CARF: variants seen among roughly 807,000 people sequenced by gnomAD.
CARF encodes calcium-responsive transcription factor.
In CARF, 57 loss-of-function variants were observed where a neutral mutation model predicts 82.0. The ratio of observed to expected loss-of-function variants is 0.70; its 90% CI spans 0.56 to 0.87. The LOEUF (loss-of-function observed/expected upper bound fraction) is 0.87, where lower values mean the gene tolerates loss of function less well. CARF is among the 40% of genes least tolerant of loss of function. The pLI is 0.00. For missense variants in CARF, 771 were observed against 855.8 expected (o/e 0.90, Z 1.24); for synonymous variants, 268 against 290.1 (o/e 0.92, Z 0.77).
intron 8 of CARF, among the ~76,000 whole-genome samples, chr2:202,960,696 G>GCCTTCCCA (rs1162150086): frequency 1.4e-3 from 214 of 150,362 alleles, no homozygotes; most frequent in African/African-American, 4.9e-3. Flanking sequence ...CTGCCTTCCT[G>GCCTTCCCA]CCTTCCCACC....
chr2:202,969,355 C>T (rs889020385), intron 10 of CARF, among the ~76,000 whole-genome samples: 9 of 152,074 alleles, frequency 5.9e-5, no homozygotes, highest in African/African-American at 2.2e-4. Context: ...GTGGGTGGAT[C>T]ACCTGAGGTT....
At position 202,984,908 on chromosome 2, in the gene CARF, T is replaced by C. The variant is rs2060383721; in HGVS notation, c.*1284T>C. ...CTGTTTCTACTAAAAATACAAAAAT[T>C]AGCTGGGTGTGGTGGTGGGCACCTG... On this transcript the variant is annotated 3_prime_UTR_variant, in exon 17 of 17. Coordinates refer to ENST00000438828, the MANE Select transcript of CARF (RefSeq NM_024744.17). The C allele has an allele frequency of 6.6e-6, 1 of 152,026 alleles. No individual in the cohort carries two copies. Among genetic ancestry groups the C allele is most frequent in the Non-Finnish European group, 1.5e-5 (1 of 68,086 alleles). The allele number at this position is 152,026 out of a possible 1,614,324, so 9.4% of individuals were successfully genotyped here.
intron 11 of CARF, among the ~76,000 whole-genome samples, chr2:202,970,469 A>G (rs1398884256): frequency 6.6e-6 from 1 of 152,214 alleles, no homozygotes; most frequent in Non-Finnish European, 1.5e-5. Context: ...CGGCAGCCAG[A>G]AATGAATTCC....
intron 5 of CARF, among the ~76,000 whole-genome samples, chr2:202,944,578 C>G (rs1353482444): frequency 2.0e-5 from 3 of 152,164 alleles, no homozygotes; most frequent in African/African-American, 7.2e-5. Flanking sequence ...TGAGAGGTGA[C>G]TGTGTGCAGG....
chr2:202,970,606 T>A (rs2059749485), intron 11 of CARF, among the ~76,000 whole-genome samples: 1 of 152,166 alleles, frequency 6.6e-6, no homozygotes, highest in East Asian at 1.9e-4. Flanking sequence ...TATAATGGAT[T>A]TAAGTGTATG....
chr2:202,917,465 A>C (rs1574452278), intron 1 of CARF, among the ~76,000 whole-genome samples: 1 of 152,108 alleles, frequency 6.6e-6, no homozygotes, highest in East Asian at 1.9e-4. Flanking sequence ...TTAAGAAATA[A>C]GCCTGTCAAT....
intron 3 of CARF, among the ~76,000 whole-genome samples, chr2:202,934,307 G>A (rs560500549): frequency 1.1e-4 from 17 of 152,134 alleles, no homozygotes; most frequent in African/African-American, 3.9e-4. Flanking sequence ...TAATTGTTTG[G>A]AATGAATTTT....
intron 14 of CARF, among the ~76,000 whole-genome samples, chr2:202,977,688 C>T (rs1171430887): frequency 6.6e-6 from 1 of 152,058 alleles, no homozygotes; most frequent in Non-Finnish European, 1.5e-5. Context: ...TACTGCTGGG[C>T]CCTTTCAATA....
At chr2:202,916,699 A>G (rs75038063) in intron 1 of CARF, among the ~76,000 whole-genome samples, 7 of 152,314 alleles carry the variant, frequency 4.6e-5, no homozygotes, top group South Asian at 2.1e-4. Flanking sequence ...GATACTCAAC[A>G]ACATGGTTGG....
rs1005627430 is a variant in CARF at position 202,984,833 on chromosome 2, A to T, written c.*1209A>T. 1.3e-5 allele frequency: 2 copies of T among 152,220 alleles called. No individual in the cohort carries two copies. Among genetic ancestry groups the T allele is most frequent in the African/African-American group, 2.4e-5 (1 of 41,438 alleles). The allele number at this position is 152,220 out of a possible 1,614,324, so 9.4% of individuals were successfully genotyped here. Reference sequence around the variant, plus strand: ...TACTTTGGGAGGCTGAGGTGGGTAGATAACCTGAGGTCAGGAGTTCGAGAC... The same window carrying T: ...TACTTTGGGAGGCTGAGGTGGGTAGTTAACCTGAGGTCAGGAGTTCGAGAC... On this transcript the variant is annotated 3_prime_UTR_variant, in exon 17 of 17. Coordinates refer to ENST00000438828, the MANE Select transcript of CARF (RefSeq NM_024744.17).
chr2:202,937,146 T>G (rs918076361), intron 3 of CARF, among the ~76,000 whole-genome samples: 1 of 152,222 alleles, frequency 6.6e-6, no homozygotes, highest in African/African-American at 2.4e-5. Flanking sequence ...GTTGTATTTA[T>G]TGCTCTAAAT....
chr2:202,933,102 G>T (rs1693253117), intron 3 of CARF, among the ~76,000 whole-genome samples: 1 of 152,152 alleles, frequency 6.6e-6, no homozygotes, highest in Non-Finnish European at 1.5e-5. Context: ...TCCCTAGGAG[G>T]CAGGATACTG....
intron 8 of CARF, among the ~76,000 whole-genome samples, chr2:202,958,220 A>G (rs1012775631): frequency 7.3e-6 from 1 of 136,554 alleles, no homozygotes; most frequent in Non-Finnish European, 1.6e-5. Flanking sequence ...TTGCTTTTCT[A>G]AGTAGAGTAC....
chr2:202,917,236 A>AATT (rs1689893086), intron 1 of CARF, among the ~76,000 whole-genome samples: 3 of 149,966 alleles, frequency 2.0e-5, no homozygotes, highest in African/African-American at 7.3e-5. Flanking sequence ...AAAAAAAAAA[A>AATT]GCGCTGAGCT....
In CARF at chr2:202,980,618, A is replaced by T. The variant is rs370248933; in HGVS notation, c.1559-937A>T. On this transcript the variant is annotated intron_variant, in intron 14 of 16. Coordinates refer to ENST00000438828, the MANE Select transcript of CARF (RefSeq NM_024744.17). ...GTTACAGATATAGCGTCTTTCAAGTATATATATATATATATATATATATAT... is the reference window on the plus strand; with the variant it reads ...GTTACAGATATAGCGTCTTTCAAGTTTATATATATATATATATATATATAT... 1.3e-3 allele frequency among the ~76,000 whole-genome samples: 40 copies of T among 31,414 alleles called. 1 individual carries two copies. Among genetic ancestry groups the T allele is most frequent in the Middle Eastern group, 0.013 (1 of 80 alleles). The allele number at this position is 31,414 out of a possible 152,430, so 20.6% of individuals were successfully genotyped here.
chr2:202,938,694 A>G (rs1455824796), intron 3 of CARF, among the ~76,000 whole-genome samples: 1 of 150,576 alleles, frequency 6.6e-6, no homozygotes, highest in East Asian at 1.9e-4. Flanking sequence ...TGAAGGTAAG[A>G]CAGTGGAAAA....
intron 13 of CARF, 139 bp downstream of exon 13, chr2:202,974,635 A>C: frequency 9.4e-6 from 7 of 745,368 alleles, no homozygotes; most frequent in Non-Finnish European, 1.4e-5. Context: ...GTGGTGGCTC[A>C]TGCCTGTAAT....
chr2:202,982,576 G>A lies in CARF; in HGVS notation c.2059+135G>A, dbSNP rs578194554. On this transcript the variant is annotated intron_variant, in intron 16 of 16. Transcript: ENST00000438828. ...ATGTAAATGAAGCAAAATTATGAGA[G>A]AGAAGGAGGAGATTTCATTACCCTG... The A allele has an allele frequency of 1.3e-5, 11 of 873,564 alleles. No individual in the cohort carries two copies. The African/African-American group carries it at 1.9e-4, about 15-fold the overall frequency. 54.1% of individuals were successfully genotyped at this position (873,564 alleles called of 1,614,324 possible).
intron 3 of CARF, among the ~76,000 whole-genome samples, chr2:202,936,575 TTTTG>T (rs922962090): frequency 2.6e-5 from 4 of 152,278 alleles, no homozygotes; most frequent in East Asian, 1.9e-4. Context: ...CATAATGGGA[TTTTG>T]TTTGTTTGTT....
Sources: gnomAD v4.1 joint callset for allele counts (sites outside exome capture counted in the v4.1 genomes callset) on GRCh38, gnomAD v4.1.1 for gene constraint, MANE v1.5 for transcripts, NCBI Gene and HGNC (gene_info 2026-07-23, HGNC 2026-07-21) for gene names.